Variants in SLC7A6OS observed in about 807,000 individuals in gnomAD.
SLC7A6OS encodes solute carrier family 7 member 6 opposite strand, also known as probable RNA polymerase II nuclear localization protein SLC7A6OS.
Under a neutral mutation model 34.3 loss-of-function variants are expected in SLC7A6OS, and 22 were observed. The observed-to-expected ratio is 0.64, with a 90% CI of 0.46 to 0.92. SLC7A6OS has a LOEUF of 0.92. SLC7A6OS is among the 40% of genes least tolerant of loss of function. The pLI, the probability that SLC7A6OS is intolerant of heterozygous loss-of-function variation, is 0.00. For synonymous variants in SLC7A6OS, 199 were observed against 165.0 expected (o/e 1.21, Z -1.58); for missense variants, 434 against 407.7 (o/e 1.06, Z -0.56).
chr16:68,309,475 T>C (rs566596664), intron 2 of SLC7A6OS, among the ~76,000 whole-genome samples: 45 of 152,216 alleles, frequency 3.0e-4, no homozygotes, highest in South Asian at 6.2e-4. Context: ...CAAGTGATCC[T>C]CCCGCCTGGG....
chr16:68,310,566 C>A lies in SLC7A6OS; in HGVS notation c.240G>T (p.Arg80=), dbSNP rs2043472515. The change falls in exon 2 of 5, where the codon CGG becomes CGT. Residue 80 remains arginine (R), a synonymous_variant. Transcript: ENST00000263997. ...PLLREVLRPS[R]DSQQRVRRNL... ...TACGGCGGACACGCTGCTGGCTGTC[C>A]CGTGACGGGCGCAGAACTTCCCGCA... is the stretch of plus-strand genomic sequence containing the variant. 1 of 1,584,318 alleles carries A rather than the reference C, an allele frequency of 6.3e-7. No individual in the cohort carries two copies. Among genetic ancestry groups the A allele is most frequent in the African/African-American group, 1.3e-5 (1 of 74,128 alleles).
chr16:68,305,819 G>T (rs2043322135), intron 2 of SLC7A6OS, among the ~76,000 whole-genome samples: 1 of 152,194 alleles, frequency 6.6e-6, no homozygotes, highest in African/African-American at 2.4e-5. Flanking sequence ...CAGCACTTTG[G>T]GAAGCCAAGG....
intron 1 of SLC7A6OS, 48 bp downstream of exon 1, chr16:68,310,687 G>A: frequency 6.3e-7 from 1 of 1,580,898 alleles, no homozygotes; most frequent in Non-Finnish European, 8.6e-7. Context: ...GTTTCGTACC[G>A]GCTGCACCCG....
intron 2 of SLC7A6OS, among the ~76,000 whole-genome samples, chr16:68,307,765 A>C (rs2043336868): frequency 6.6e-6 from 1 of 152,192 alleles, no homozygotes; most frequent in Admixed American, 6.5e-5. Context: ...TTTAAGCTTA[A>C]ATTCATTTTT....
At chr16:68,310,045 G>T (rs74981701) in intron 2 of SLC7A6OS, among the ~76,000 whole-genome samples, 1 of 152,052 alleles carries the variant, frequency 6.6e-6, no homozygotes, top group Non-Finnish European at 1.5e-5. Flanking sequence ...TTGTCTCCCC[G>T]CCTCCTTACA....
intron 2 of SLC7A6OS, among the ~76,000 whole-genome samples, chr16:68,305,443 C>G (rs1320190632): frequency 6.6e-6 from 1 of 152,138 alleles, no homozygotes; most frequent in African/African-American, 2.4e-5. Flanking sequence ...GCTGTATTAT[C>G]CAGGGGCCTG....
rs1161281576 is a variant in SLC7A6OS, at chr16:68,302,412, C to T, written c.768G>A (p.Glu256=). The change falls in exon 4 of 5, where the codon GAG becomes GAA. Residue 256 remains glutamate, a synonymous_variant. Transcript: ENST00000263997. ...AATCCTCATCTCCATCACTGCTCTC[C>T]TCCTCTGGGTACTCATTGCGCCAGT... ...ENNWRNEYPE[E]ESSDGDEDSR... The T allele has an allele frequency of 3.7e-6, 6 of 1,614,098 alleles. No individual in the cohort carries two copies. The Admixed American group carries it at 8.3e-5, about 22-fold the overall frequency.
chr16:68,308,050 C>T (rs113278950), intron 2 of SLC7A6OS, among the ~76,000 whole-genome samples: 3,983 of 151,826 alleles, frequency 0.026, 163 homozygotes, highest in African/African-American at 0.092. Flanking sequence ...TACAGGCGCC[C>T]GCCACCACGC....
At chr16:68,306,118 A>C (rs1219627346) in intron 2 of SLC7A6OS, among the ~76,000 whole-genome samples, 1 of 152,230 alleles carries the variant, frequency 6.6e-6, no homozygotes, top group Non-Finnish European at 1.5e-5. Flanking sequence ...ACTCAGAAGG[A>C]AATAAACCAG....
At chr16:68,310,276 C>A in intron 2 of SLC7A6OS, 59 bp downstream of exon 2, 1 of 1,500,242 alleles carries the variant, frequency 6.7e-7, no homozygotes, top group Non-Finnish European at 9.0e-7. Flanking sequence ...CGACTGGGCC[C>A]AGTCTTCTTG....
chr16:68,308,903 T>C (rs1033386464), intron 2 of SLC7A6OS, among the ~76,000 whole-genome samples: 2 of 151,504 alleles, frequency 1.3e-5, no homozygotes, highest in South Asian at 4.2e-4. Flanking sequence ...AATACAAAAA[T>C]TAGCTGGGTG....
intron 4 of SLC7A6OS, 126 bp downstream of exon 4, chr16:68,302,255 A>G (rs1411742911): frequency 1.8e-6 from 2 of 1,101,422 alleles, no homozygotes; most frequent in Non-Finnish European, 2.7e-6. Context: ...AGCATGGCTC[A>G]GTTGCGGCTG....
At chr16:68,302,826 C>A (rs1459773012) in intron 3 of SLC7A6OS, among the ~76,000 whole-genome samples, 1 of 152,164 alleles carries the variant, frequency 6.6e-6, no homozygotes, top group East Asian at 1.9e-4. Context: ...TGCGGAAAGG[C>A]AGGAGGAAGG....
Position 68,300,670 on chromosome 16 carries a change from T to C in SLC7A6OS, c.*605A>G, listed in dbSNP as rs938721820. 2.0e-6 allele frequency: 2 copies of C among 985,394 alleles called. No individual in the cohort carries two copies. Among genetic ancestry groups the C allele is most frequent in the Non-Finnish European group, 2.4e-6 (2 of 829,966 alleles). 61.0% of individuals were successfully genotyped at this position (985,394 alleles called of 1,614,324 possible). A position where few individuals can be genotyped will look rare whatever the true frequency, so the allele number is the denominator to read the frequency against. On this transcript the variant is annotated 3_prime_UTR_variant, in exon 5 of 5. Transcript: ENST00000263997. ...ACATGTATCACATTCATATATATTGTTTCTTGGCCCCACTGCCAAAGGAAG... is the reference window on the plus strand; with the variant it reads ...ACATGTATCACATTCATATATATTGCTTCTTGGCCCCACTGCCAAAGGAAG...
chr16:68,301,341 G>A lies in SLC7A6OS; in HGVS notation c.864C>T (p.Ser288=), dbSNP rs979267856. 3 of 1,614,122 alleles carry A rather than the reference G, an allele frequency of 1.9e-6. No homozygotes were observed. Among genetic ancestry groups the A allele is most frequent in the Non-Finnish European group, 2.5e-6 (3 of 1,180,008 alleles). ...CCTTCTGCACATCCAGAGGGTACTTGCTCCACATCCGCTGTCTGCTGCTGC... is the reference window on the plus strand; with the variant it reads ...CCTTCTGCACATCCAGAGGGTACTTACTCCACATCCGCTGTCTGCTGCTGC... The part of the protein sequence containing the change: ...ERGSSRQRMW[S]KYPLDVQKEF... Residue 288 remains serine, a synonymous_variant, in exon 5 of 5, where the codon AGC becomes AGT. Coordinates refer to ENST00000263997, the MANE Select transcript of SLC7A6OS (RefSeq NM_032178.3).
intron 3 of SLC7A6OS, among the ~76,000 whole-genome samples, chr16:68,302,781 T>C (rs943519780): frequency 1.3e-5 from 2 of 151,970 alleles, no homozygotes; most frequent in African/African-American, 4.8e-5. Context: ...TCCTTCAAAT[T>C]CCAAAGGTCA....
chr16:68,306,295 T>C (rs1173775244), intron 2 of SLC7A6OS, among the ~76,000 whole-genome samples: 1 of 152,206 alleles, frequency 6.6e-6, no homozygotes, highest in African/African-American at 2.4e-5. Flanking sequence ...CTCAGCTCAC[T>C]GCAACCTCTG....
chr16:68,302,237 TCTC>T, intron 4 of SLC7A6OS, 141 bp downstream of exon 4: 4 of 877,382 alleles, frequency 4.6e-6, no homozygotes, highest in Non-Finnish European at 7.1e-6. Context: ...GGTCTTTGGG[TCTC>T]CTACAGCATG....
In SLC7A6OS at chr16:68,304,077, G is replaced by C; in HGVS notation, c.627C>G (p.Gly209=). ...DIYYLETATP[G]WIENILSVQP... ...GCACGGAGAGGATGTTCTCAATCCA[G>C]CCTGGAGTGGCCGTCTCCAAGTAGT... is the stretch of plus-strand genomic sequence containing the variant. Residue 209 remains glycine (G), a synonymous_variant, in exon 3 of 5, where the codon GGC becomes GGG. Transcript: ENST00000263997. The C allele has an allele frequency of 6.2e-7, 1 of 1,614,078 alleles. No homozygotes were observed. The highest frequency in any genetic ancestry group is 8.5e-7 in the Non-Finnish European group (1 of 1,179,994).
Sources: gnomAD v4.1 joint callset for allele counts (sites outside exome capture counted in the v4.1 genomes callset) on GRCh38, gnomAD v4.1.1 for gene constraint, MANE v1.5 for transcripts, NCBI Gene and HGNC (gene_info 2026-07-23, HGNC 2026-07-21) for gene names.